Variants in SYNPR observed in about 807,000 individuals in gnomAD.
The protein encoded by SYNPR is synaptoporin.
SYNPR carries 23 observed loss-of-function variants against 32.9 expected under a neutral mutation model. That is an observed-to-expected ratio of 0.70 (90% confidence interval 0.50 to 0.99). SYNPR has a LOEUF of 0.99. SYNPR is among the 50% of genes least tolerant of loss of function. The pLI, the probability that SYNPR is intolerant of heterozygous loss-of-function variation, is 0.00. For missense variants in SYNPR, 318 were observed against 349.3 expected (o/e 0.91, Z 0.71); for synonymous variants, 146 against 135.9 (o/e 1.07, Z -0.52).
intron 1 of SYNPR, among the ~76,000 whole-genome samples, chr3:63,242,061 A>G (rs191895972): frequency 8.2e-4 from 125 of 152,230 alleles, no homozygotes; most frequent in African/African-American, 2.6e-3. Context: ...CATGATTAAT[A>G]TGAGGAATAA....
At chr3:63,527,175 T>C (rs187068040) in intron 3 of SYNPR, among the ~76,000 whole-genome samples, 6 of 152,190 alleles carry the variant, frequency 3.9e-5, no homozygotes, top group African/African-American at 1.4e-4. Flanking sequence ...CAGCAACTGA[T>C]TTAGGGAAAT....
At chr3:63,370,705 A>C (rs2087801459) in intron 2 of SYNPR, among the ~76,000 whole-genome samples, 1 of 152,126 alleles carries the variant, frequency 6.6e-6, no homozygotes, top group Non-Finnish European at 1.5e-5. Context: ...AATATCTTTT[A>C]CTCTTCTGCA....
chr3:63,491,526 A>G (rs988194831), intron 3 of SYNPR, among the ~76,000 whole-genome samples: 3 of 151,868 alleles, frequency 2.0e-5, no homozygotes, highest in Non-Finnish European at 4.4e-5. Context: ...ATATGCATAT[A>G]TATAATTTTT....
At chr3:63,529,326 A>C (rs377507933) in intron 3 of SYNPR, among the ~76,000 whole-genome samples, 5 of 152,220 alleles carry the variant, frequency 3.3e-5, no homozygotes, top group African/African-American at 1.2e-4. Flanking sequence ...AGCTGTTATA[A>C]TGTATTGGGT....
At chr3:63,372,059 T>G (rs2087819673) in intron 2 of SYNPR, among the ~76,000 whole-genome samples, 1 of 151,856 alleles carries the variant, frequency 6.6e-6, no homozygotes, top group Non-Finnish European at 1.5e-5. Flanking sequence ...CATGGCTGAG[T>G]ATATCCACAG....
chr3:63,302,773 CTT>C (rs1373563120), intron 2 of SYNPR, among the ~76,000 whole-genome samples: 4 of 151,624 alleles, frequency 2.6e-5, no homozygotes, highest in Non-Finnish European at 4.4e-5. Flanking sequence ...TAATAATAAA[CTT>C]AGAAAAATTG....
At chr3:63,535,116 G>A (rs1012232111) in intron 3 of SYNPR, among the ~76,000 whole-genome samples, 1 of 152,060 alleles carries the variant, frequency 6.6e-6, no homozygotes, top group Non-Finnish European at 1.5e-5. Context: ...CAGAATTAAA[G>A]TAAAGAAAAT....
At chr3:63,477,241 G>A (rs1211317265) in intron 2 of SYNPR, among the ~76,000 whole-genome samples, 3 of 152,102 alleles carry the variant, frequency 2.0e-5, no homozygotes, top group African/African-American at 7.2e-5. Context: ...TCTCCTCACT[G>A]TGTCTTGATG....
intron 2 of SYNPR, among the ~76,000 whole-genome samples, chr3:63,353,491 T>A (rs2087536728): frequency 6.6e-6 from 1 of 152,204 alleles, no homozygotes; most frequent in Admixed American, 6.5e-5. Context: ...GGGGCATTCA[T>A]GATGAATTAA....
chr3:63,439,830 G>C (rs185708243), intron 2 of SYNPR, among the ~76,000 whole-genome samples: 1 of 152,052 alleles, frequency 6.6e-6, no homozygotes, highest in Non-Finnish European at 1.5e-5. Flanking sequence ...AAAAAATTAG[G>C]TTTCTTCACC....
At chr3:63,221,290 A>G in the SYNPR span, among the ~76,000 whole-genome samples, 7 of 152,166 alleles carry the variant, frequency 4.6e-5, no homozygotes, top group Non-Finnish European at 1.0e-4. Flanking sequence ...AAGAATATAT[A>G]AAGAGATTAA....
At chr3:63,369,343 G>C (rs868358483) in intron 2 of SYNPR, among the ~76,000 whole-genome samples, 1 of 152,270 alleles carries the variant, frequency 6.6e-6, no homozygotes, top group East Asian at 1.9e-4. Context: ...TTGGCAGCCT[G>C]AGCAAACTGA....
chr3:63,370,265 G>T (rs2087795117), intron 2 of SYNPR, among the ~76,000 whole-genome samples: 1 of 152,116 alleles, frequency 6.6e-6, no homozygotes, highest in Non-Finnish European at 1.5e-5. Context: ...TTTTTCCAAA[G>T]CTAGCCCAAG....
intron 3 of SYNPR, among the ~76,000 whole-genome samples, chr3:63,494,148 T>C (rs948361937): frequency 5.3e-5 from 8 of 151,668 alleles, no homozygotes; most frequent in Non-Finnish European, 8.8e-5. Context: ...TTATTTTTTG[T>C]TATTTTCAAA....
chr3:63,323,374 A>G (rs1376481), intron 2 of SYNPR, among the ~76,000 whole-genome samples: 115,351 of 151,952 alleles, frequency 0.76, 44,640 homozygotes, highest in Non-Finnish European at 0.83. Flanking sequence ...AAAAAGGGAG[A>G]GGGAAAACTG....
At chr3:63,363,292 T>C (rs1020410873) in intron 2 of SYNPR, among the ~76,000 whole-genome samples, 35 of 152,354 alleles carry the variant, frequency 2.3e-4, no homozygotes, top group African/African-American at 7.2e-4. Context: ...AAAATAATAA[T>C]AATTCCTCAG....
intron 2 of SYNPR, among the ~76,000 whole-genome samples, chr3:63,422,043 T>G (rs919751359): frequency 6.6e-6 from 1 of 152,218 alleles, no homozygotes; most frequent in Non-Finnish European, 1.5e-5. Flanking sequence ...CAAGAACTCT[T>G]CCCCTTTGCC....
chr3:63,299,750 G>C (rs1038194123), intron 2 of SYNPR, among the ~76,000 whole-genome samples: 1 of 152,134 alleles, frequency 6.6e-6, no homozygotes, highest in Non-Finnish European at 1.5e-5. Flanking sequence ...TCAAATGTGA[G>C]AAAATGCAAA....
rs1359282334 is a variant in SYNPR, at chr3:63,302,521, A to AAT, written c.84+23779_84+23780insAT. Among the ~76,000 whole-genome samples the AAT allele has an allele frequency of 2.6e-5, 4 of 152,110 alleles. No homozygotes were observed. In the East Asian group the frequency reaches 7.7e-4, roughly 29 times the overall value. On this transcript the variant is annotated intron_variant, in intron 2 of 5. Transcript: ENST00000478300. ...TAGTAGGCCTGACTCCAAGTTCAGT[A>AAT]TGCCTTCTTCTATCTCACTTTAATT...
Sources: gnomAD v4.1 joint callset for allele counts (sites outside exome capture counted in the v4.1 genomes callset) on GRCh38, gnomAD v4.1.1 for gene constraint, MANE v1.5 for transcripts, NCBI Gene and HGNC (gene_info 2026-07-23, HGNC 2026-07-21) for gene names.